Variants in VWA3A observed in about 807,000 individuals in gnomAD.
VWA3A encodes the protein von Willebrand factor A domain containing 3A.
In VWA3A, 134 loss-of-function variants were observed where a neutral mutation model predicts 160.4. The observed-to-expected ratio is 0.84, with a 90% CI of 0.73 to 0.96. The LOEUF (loss-of-function observed/expected upper bound fraction) is 0.96. VWA3A is among the 40% of genes least tolerant of loss of function. The pLI, the probability that VWA3A is intolerant of heterozygous loss-of-function variation, is 0.00. For synonymous variants in VWA3A, 476 were observed against 543.4 expected (o/e 0.88, Z 1.72); for missense variants, 1,310 against 1,447.9 (o/e 0.90, Z 1.55).
chr16:22,146,375 G>A lies in VWA3A; in HGVS notation c.2839+31G>A, dbSNP rs1455808445. On this transcript the variant is annotated intron_variant, in intron 27 of 33. Coordinates refer to ENST00000389398, the MANE Select transcript of VWA3A (RefSeq NM_173615.5). ...CCTGCCCACTGCCCTGAAGGGTGGA[G>A]GAGCATGAGGGGATGTAGAAGGCTA... The A allele has an allele frequency of 1.9e-6, 3 of 1,589,156 alleles. No homozygotes were observed. The South Asian group carries it at 3.4e-5, about 18-fold the overall frequency.
intron 9 of VWA3A, 124 bp downstream of exon 9, chr16:22,115,596 C>A: frequency 8.9e-7 from 1 of 1,122,040 alleles, no homozygotes; most frequent in Non-Finnish European, 1.2e-6. Flanking sequence ...CTTTGGGAGG[C>A]CGAGACAGGA....
chr16:22,141,734 C>T (rs775191262), intron 24 of VWA3A, 42 bp downstream of exon 24: 16 of 1,533,854 alleles, frequency 1.0e-5, no homozygotes, highest in Non-Finnish European at 1.3e-5. Context: ...GCCCCCTGGC[C>T]CTGGGGGAGC....
At chr16:22,134,642 C>T (rs1240597985) in intron 21 of VWA3A, among the ~76,000 whole-genome samples, 1 of 151,724 alleles carries the variant, frequency 6.6e-6, no homozygotes, top group Non-Finnish European at 1.5e-5. Context: ...CCCTCCCTGG[C>T]TTCTGGTGGC....
intron 16 of VWA3A, 82 bp downstream of exon 16, chr16:22,123,789 GGTA>G (rs1467327082): frequency 2.0e-5 from 26 of 1,323,234 alleles, no homozygotes; most frequent in Non-Finnish European, 2.5e-5. Flanking sequence ...ATTCCCTGTT[GGTA>G]GCATCAGAAG....
intron 9 of VWA3A, among the ~76,000 whole-genome samples, chr16:22,115,903 AAGG>A (rs2045628149): frequency 1.7e-3 from 58 of 34,308 alleles, no homozygotes; most frequent in African/African-American, 0.012. Context: ...GGAAGGAAGG[AAGG>A]AAGGAAGGAA....
chr16:22,111,016 C>T (rs545212569), intron 8 of VWA3A, 22 bp downstream of exon 8: 17 of 1,566,092 alleles, frequency 1.1e-5, no homozygotes, highest in African/African-American at 8.1e-5. Flanking sequence ...TCCTACCTGA[C>T]GGTGATGTTC....
chr16:22,130,049 T>A (rs2045922256), intron 17 of VWA3A, among the ~76,000 whole-genome samples: 1 of 152,066 alleles, frequency 6.6e-6, no homozygotes, highest in African/African-American at 2.4e-5. Flanking sequence ...TCAGTGGGTC[T>A]CAGCGGTGCA....
chr16:22,153,300 G>A (rs897322295), intron 31 of VWA3A, among the ~76,000 whole-genome samples: 6 of 152,154 alleles, frequency 3.9e-5, no homozygotes, highest in East Asian at 1.9e-4. Flanking sequence ...CCGAGATTGC[G>A]CCACTGCACT....
At position 22,097,006 on chromosome 16, in the gene VWA3A, C is replaced by G. The variant is rs1021836144; in HGVS notation, c.101+61C>G. On this transcript the variant is annotated intron_variant, in intron 2 of 33. Coordinates refer to ENST00000389398, the MANE Select transcript of VWA3A (RefSeq NM_173615.5). ...TTTGAGGCAGATTCTCGCACTGTCTCCCAGGCTGGAGTGCAGTGGCACAAT... is the reference window on the plus strand; with the variant it reads ...TTTGAGGCAGATTCTCGCACTGTCTGCCAGGCTGGAGTGCAGTGGCACAAT... 8.6e-6 allele frequency: 10 copies of G among 1,157,972 alleles called. No individual in the cohort carries two copies. The East Asian group carries it at 2.6e-4, about 30-fold the overall frequency. 71.7% of individuals were successfully genotyped at this position (1,157,972 alleles called of 1,614,324 possible).
chr16:22,131,490 C>G (rs2045947249), intron 18 of VWA3A, 95 bp from the exon 19 acceptor site: 1 of 1,553,104 alleles, frequency 6.4e-7, no homozygotes, highest in Non-Finnish European at 8.7e-7. Flanking sequence ...TCGACTCCAT[C>G]ACGTCTGAGA....
chr16:22,107,602 C>A (rs2045499555), intron 6 of VWA3A, among the ~76,000 whole-genome samples: 1 of 152,204 alleles, frequency 6.6e-6, no homozygotes. Flanking sequence ...AAAAAATAGC[C>A]AGGTGTGGTG....
chr16:22,135,914 C>T (rs1567217201), intron 21 of VWA3A, among the ~76,000 whole-genome samples: 1 of 152,106 alleles, frequency 6.6e-6, no homozygotes, highest in Non-Finnish European at 1.5e-5. Context: ...CTCAGCCTCC[C>T]AAGTAGCTGG....
At chr16:22,118,409 G>A (rs1181266590) in intron 11 of VWA3A, among the ~76,000 whole-genome samples, 1 of 152,120 alleles carries the variant, frequency 6.6e-6, no homozygotes, top group Admixed American at 6.5e-5. Flanking sequence ...GGTCAGGATG[G>A]GTGCAGTGGC....
intron 1 of VWA3A, among the ~76,000 whole-genome samples, chr16:22,095,389 G>C (rs572210279): frequency 9.2e-5 from 14 of 152,290 alleles, no homozygotes; most frequent in African/African-American, 3.1e-4. Context: ...ACACAGAGGA[G>C]AGCAGTGGTG....
intron 3 of VWA3A, among the ~76,000 whole-genome samples, chr16:22,098,829 C>G (rs1167376591): frequency 7.0e-6 from 1 of 142,666 alleles, no homozygotes; most frequent in Non-Finnish European, 1.5e-5. Context: ...AATCTCAGCA[C>G]TTTGGGAGGC....
intron 6 of VWA3A, among the ~76,000 whole-genome samples, chr16:22,107,489 C>A (rs73533992): frequency 0.066 from 9,988 of 152,208 alleles, 1,120 homozygotes; most frequent in African/African-American, 0.23. Context: ...TGGCTGCAAT[C>A]TCAGCACTTT....
chr16:22,140,768 G>T (rs916269590), intron 23 of VWA3A, among the ~76,000 whole-genome samples: 1 of 151,838 alleles, frequency 6.6e-6, no homozygotes, highest in Non-Finnish European at 1.5e-5. Context: ...GTGCCACCAC[G>T]CCTGGCTAAC....
chr16:22,101,792 A>G (rs1057405297), intron 5 of VWA3A, among the ~76,000 whole-genome samples: 4 of 152,210 alleles, frequency 2.6e-5, no homozygotes, highest in African/African-American at 7.2e-5. Flanking sequence ...GAATTCTGCA[A>G]TGTCTTGGTT....
At position 22,144,229 on chromosome 16, in the gene VWA3A, C is replaced by A. The variant is rs750146432; in HGVS notation, c.2593-18C>A. Reference sequence around the variant, plus strand: ...GTCTGAATTGCCTAAGATAATAGTTCTTTCCTTTATTCTAAAGTGGGTGGC... The same window carrying A: ...GTCTGAATTGCCTAAGATAATAGTTATTTCCTTTATTCTAAAGTGGGTGGC... On this transcript the variant is annotated intron_variant, in intron 25 of 33. Transcript: ENST00000389398. The A allele has an allele frequency of 8.7e-6, 14 of 1,602,602 alleles. No homozygotes were observed. Among genetic ancestry groups the A allele is most frequent in the Admixed American group, 1.7e-5 (1 of 57,772 alleles).
Sources: allele counts gnomAD v4.1 joint callset (sites outside exome capture counted in the v4.1 genomes callset), GRCh38; gene constraint gnomAD v4.1.1; transcripts MANE v1.5; gene names NCBI Gene and HGNC (gene_info 2026-07-23, HGNC 2026-07-21).